Variants in STOX2 observed in about 807,000 individuals in gnomAD.
STOX2 encodes the protein storkhead-box protein 2.
A neutral mutation model predicts 60.9 loss-of-function variants in STOX2; 28 were observed. That is an observed-to-expected ratio of 0.46 (90% CI 0.34 to 0.63). The LOEUF is 0.63. Ranked by LOEUF, STOX2 falls within the 30% of genes least tolerant of loss-of-function variation. The pLI, the probability that STOX2 is intolerant of heterozygous loss-of-function variation, is 0.01. For synonymous variants in STOX2, 472 were observed against 463.9 expected (o/e 1.02, Z -0.22); for missense variants, 1,024 against 1,187.7 (o/e 0.86, Z 2.03).
chr4:183,954,287 G>A (rs1743181351), intron 1 of STOX2, among the ~76,000 whole-genome samples: 2 of 151,648 alleles, frequency 1.3e-5, no homozygotes, highest in Admixed American at 1.3e-4. Flanking sequence ...TTTGTTTTTT[G>A]TTTTTGTTTT....
intron 1 of STOX2, among the ~76,000 whole-genome samples, chr4:183,926,841 C>T (rs1742255582): frequency 6.6e-6 from 1 of 152,104 alleles, no homozygotes; most frequent in Admixed American, 6.5e-5. Context: ...AGGCTGGTCT[C>T]GAACTCCTGA....
chr4:183,964,940 CAG>C (rs1579478128), intron 1 of STOX2, among the ~76,000 whole-genome samples: 1 of 152,180 alleles, frequency 6.6e-6, no homozygotes, highest in Non-Finnish European at 1.5e-5. Flanking sequence ...ACCTCAGAAA[CAG>C]GAAATGGAAG....
intron 1 of STOX2, among the ~76,000 whole-genome samples, chr4:183,914,990 C>A (rs1005497840): frequency 2.6e-5 from 4 of 152,214 alleles, no homozygotes; most frequent in Non-Finnish European, 5.9e-5. Flanking sequence ...ACTAGGCCAG[C>A]TATGTAAATA....
chr4:183,951,164 G>C (rs1052118789), intron 1 of STOX2, among the ~76,000 whole-genome samples: 1 of 150,098 alleles, frequency 6.7e-6, no homozygotes, highest in African/African-American at 2.5e-5. Context: ...GCAGTGAGCC[G>C]AGATCGCGCC....
At chr4:183,957,860 G>C (rs911379117) in intron 1 of STOX2, among the ~76,000 whole-genome samples, 1 of 150,318 alleles carries the variant, frequency 6.7e-6, no homozygotes, top group Non-Finnish European at 1.5e-5. Context: ...GTTTCTTTCA[G>C]GGGGGATGAT....
At chr4:183,868,018 C>T (rs766375317) in intron 1 of STOX2, among the ~76,000 whole-genome samples, 10 of 152,028 alleles carry the variant, frequency 6.6e-5, no homozygotes, top group African/African-American at 2.4e-4. Context: ...TTGTGTCAAC[C>T]TATGCCTCTC....
At chr4:183,913,355 A>C (rs1202858211) in intron 1 of STOX2, among the ~76,000 whole-genome samples, 1 of 152,130 alleles carries the variant, frequency 6.6e-6, no homozygotes, top group African/African-American at 2.4e-5. Flanking sequence ...AGCCTTTTTA[A>C]AGAGGTGTCA....
intron 1 of STOX2, among the ~76,000 whole-genome samples, chr4:183,929,890 G>T (rs1392990537): frequency 7.0e-6 from 1 of 142,478 alleles, no homozygotes; most frequent in Non-Finnish European, 1.5e-5. Context: ...TTGAGACGGA[G>T]TCTCACTCTG....
chr4:183,808,094 C>CT (rs747111084), intron 1 of STOX2, among the ~76,000 whole-genome samples: 28 of 152,188 alleles, frequency 1.8e-4, no homozygotes, highest in Non-Finnish European at 2.1e-4. Context: ...TTGGTTTTTC[C>CT]TTTTTAAATC....
chr4:183,909,534 A>G (rs1358376280), intron 1 of STOX2, among the ~76,000 whole-genome samples: 1 of 152,238 alleles, frequency 6.6e-6, no homozygotes, highest in African/African-American at 2.4e-5. Flanking sequence ...AGCCTTTCAG[A>G]GATGTACTAA....
At chr4:183,955,164 G>A (rs10212696) in intron 1 of STOX2, among the ~76,000 whole-genome samples, 7,378 of 152,188 alleles carry the variant, frequency 0.048, 560 homozygotes, top group African/African-American at 0.15. Context: ...GGGAAATTTA[G>A]CTTCCTTATG....
intron 1 of STOX2, among the ~76,000 whole-genome samples, chr4:183,927,805 G>A (rs17363081): frequency 0.14 from 20,637 of 152,104 alleles, 1,518 homozygotes; most frequent in South Asian, 0.22. Context: ...TCTATGAGGA[G>A]CCATTGTCAG....
rs1262373167 is a variant in STOX2 at position 184,019,730 on chromosome 4, G to C, written c.*2446G>C. On this transcript the variant is annotated 3_prime_UTR_variant, in exon 4 of 4. Transcript: ENST00000308497. ...AGTGTAGAAATGATGGACTTTAAAG[G>C]TGATACCATGTAAGCAGATGTTGCA... The C allele has an allele frequency of 6.6e-6, 1 of 152,202 alleles. No homozygotes were observed. The highest frequency in any genetic ancestry group is 2.4e-5 in the African/African-American group (1 of 41,450). 9.4% of individuals were successfully genotyped at this position (152,202 alleles called of 1,614,324 possible). A position where few individuals can be genotyped will look rare whatever the true frequency, so the allele number is the denominator to read the frequency against.
chr4:183,892,198 C>G (rs114518109), intron 1 of STOX2, among the ~76,000 whole-genome samples: 2 of 152,232 alleles, frequency 1.3e-5, no homozygotes, highest in Non-Finnish European at 2.9e-5. Flanking sequence ...GCCCTCCCCT[C>G]GTCTCCTATG....
intron 1 of STOX2, among the ~76,000 whole-genome samples, chr4:183,897,796 C>T (rs1220585798): frequency 1.3e-5 from 2 of 152,192 alleles, no homozygotes; most frequent in Non-Finnish European, 2.9e-5. Context: ...TTGTCAGTGT[C>T]CAGCCTTATC....
chr4:183,996,011 C>T lies in STOX2; in HGVS notation c.167-5314C>T, dbSNP rs774287113. ...AATGACCTCACATGAAAGCAGTGTC[C>T]ACATTTTCACTCATGCATTTTAAAT... is the stretch of plus-strand genomic sequence containing the variant. On this transcript the variant is annotated intron_variant, in intron 1 of 3. Coordinates refer to ENST00000308497, the MANE Select transcript of STOX2 (RefSeq NM_020225.3). Among the ~76,000 whole-genome samples the T allele has an allele frequency of 4.6e-5, 7 of 152,324 alleles. No homozygotes were observed. The East Asian group carries it at 1.3e-3, about 29-fold the overall frequency.
At chr4:183,987,128 G>T (rs1277647218) in intron 1 of STOX2, among the ~76,000 whole-genome samples, 1 of 152,146 alleles carries the variant, frequency 6.6e-6, no homozygotes, top group African/African-American at 2.4e-5. Flanking sequence ...GGCGTTATTG[G>T]ATTTGGGAGA....
At chr4:183,919,150 G>A (rs189326537) in intron 1 of STOX2, among the ~76,000 whole-genome samples, 1 of 152,332 alleles carries the variant, frequency 6.6e-6, no homozygotes, top group Non-Finnish European at 1.5e-5. Context: ...AGCTTCTGGA[G>A]CATGCAGATC....
intron 1 of STOX2, among the ~76,000 whole-genome samples, chr4:183,945,655 A>G (rs1742866638): frequency 6.6e-6 from 1 of 152,176 alleles, no homozygotes; most frequent in Non-Finnish European, 1.5e-5. Flanking sequence ...TTGTTGAGGG[A>G]TTACGAATGT....
Sources: gnomAD v4.1 joint callset for allele counts (sites outside exome capture counted in the v4.1 genomes callset) on GRCh38, gnomAD v4.1.1 for gene constraint, MANE v1.5 for transcripts, NCBI Gene and HGNC (gene_info 2026-07-23, HGNC 2026-07-21) for gene names.